NUP188: variants seen among roughly 807,000 people sequenced by gnomAD.
NUP188 encodes the protein nucleoporin NUP188.
Under a neutral mutation model 223.0 loss-of-function variants are expected in NUP188, and 97 were observed. The ratio of observed to expected loss-of-function variants is 0.43; its 90% CI spans 0.37 to 0.51. The LOEUF (loss-of-function observed/expected upper bound fraction) is 0.51, where lower values mean the gene tolerates loss of function less well. Ranked by LOEUF, NUP188 falls within the 20% of genes least tolerant of loss-of-function variation. The pLI, the probability that NUP188 is intolerant of heterozygous loss-of-function variation, is 0.00. For missense variants in NUP188, 1,947 were observed against 2,175.6 expected (o/e 0.89, Z 2.09); for synonymous variants, 869 against 828.0 (o/e 1.05, Z -0.85).
chr9:129,005,569 GGCTCTGCTCT>G (rs1842774742), intron 40 of NUP188, 39 bp downstream of exon 40: 1 of 1,611,328 alleles, frequency 6.2e-7, no homozygotes, highest in Admixed American at 1.7e-5. Flanking sequence ...CTCCCCTAAA[GGCTCTGCTCT>G]GCTGTGTACC....
chr9:128,984,983 C>G lies in NUP188; in HGVS notation c.2045C>G (p.Ala682Gly), dbSNP rs1041155966. ...QPQGEYGVTIAFLRLITTLVK... is the reference protein window; with the variant it reads ...QPQGEYGVTIGFLRLITTLVK... Reference sequence around the variant, plus strand: ...CAGGGCGAGTATGGGGTTACTATTGCCTTTCTGCGCTTGATCACCACCCTT... The same window carrying G: ...CAGGGCGAGTATGGGGTTACTATTGGCTTTCTGCGCTTGATCACCACCCTT... The change falls in exon 20 of 44, where the codon GCC becomes GGC. Residue 682 changes from alanine (A) to glycine (G), a missense_variant. Ala to Gly is a moderately conservative substitution (Grantham distance 60). This residue lies in a region of NUP188 where 817 missense variants were observed against 865.8 expected (regional missense o/e 0.94). Coordinates refer to ENST00000372577, the MANE Select transcript of NUP188 (RefSeq NM_015354.3). 6 of 1,613,432 alleles carry G rather than the reference C, an allele frequency of 3.7e-6. No homozygotes were observed. Among genetic ancestry groups the G allele is most frequent in the Non-Finnish European group, 5.1e-6 (6 of 1,179,708 alleles).
In NUP188 at chr9:128,982,546, CAG is replaced by C. The variant is rs752361618; in HGVS notation, c.1517-2_1517-1del. On this transcript the variant is annotated splice_acceptor_variant, in intron 15 of 43. Coordinates refer to ENST00000372577, the MANE Select transcript of NUP188 (RefSeq NM_015354.3). LOFTEE classifies it high-confidence loss of function. Reference sequence around the variant, plus strand: ...ATTAGACTAATTTATCTTTCTCTCTCAGGGGGTCAAACCAACCTTCGCATACC... The same window carrying C: ...ATTAGACTAATTTATCTTTCTCTCTCGGGGTCAAACCAACCTTCGCATACC... 2.0e-5 allele frequency: 32 copies of C among 1,607,788 alleles called. No homozygotes were observed. Among genetic ancestry groups the C allele is most frequent in the South Asian group, 4.5e-5 (4 of 89,476 alleles).
At chr9:128,949,366 C>A in intron 2 of NUP188, 123 bp downstream of exon 2, 1 of 678,990 alleles carries the variant, frequency 1.5e-6, no homozygotes, top group South Asian at 1.7e-5. Context: ...GAGTTTCGCT[C>A]TTGTTTCCCA....
chr9:128,962,248 CTTT>C (rs1227664142), intron 8 of NUP188, among the ~76,000 whole-genome samples: 5 of 132,176 alleles, frequency 3.8e-5, no homozygotes, highest in Admixed American at 7.6e-5. Context: ...ACACCATACT[CTTT>C]TTTTTTTTTT....
chr9:128,988,329 C>A, intron 24 of NUP188, 143 bp downstream of exon 24: 3 of 894,326 alleles, frequency 3.4e-6, no homozygotes, highest in Non-Finnish European at 5.2e-6. Flanking sequence ...ATTACCAGCT[C>A]CTTTCCTGAA....
chr9:128,992,518 T>A (rs1326345835), intron 25 of NUP188, among the ~76,000 whole-genome samples: 1 of 152,210 alleles, frequency 6.6e-6, no homozygotes. Flanking sequence ...TATGACTGGC[T>A]TCCTTTACTT....
Position 128,958,890 on chromosome 9 carries a change from A to G in NUP188, c.461A>G (p.Tyr154Cys), listed in dbSNP as rs778678767. The G allele has an allele frequency of 4.4e-6, 7 of 1,587,500 alleles. No homozygotes were observed. Among genetic ancestry groups the G allele is most frequent in the Non-Finnish European group, 6.0e-6 (7 of 1,161,334 alleles). Residue 154 changes from tyrosine (Y) to cysteine (C), a missense_variant, in exon 7 of 44, where the codon TAT becomes TGT. Tyr to Cys is a radical substitution (Grantham distance 194). Coordinates refer to ENST00000372577, the MANE Select transcript of NUP188 (RefSeq NM_015354.3). ...TACTTCCAAGATGAAAGACACCCCT[A>G]TAGGGTAAGCTTGTTTAGTCCTCTT... ...LTYFQDERHP[Y>C]RVEYADCVDK...
At chr9:128,950,764 G>C (rs1248641403) in intron 2 of NUP188, among the ~76,000 whole-genome samples, 3 of 152,106 alleles carry the variant, frequency 2.0e-5, no homozygotes, top group Admixed American at 6.6e-5. Flanking sequence ...AGGATTGCTT[G>C]ATCCTGGGAG....
chr9:128,996,907 T>C (rs1027815549), intron 30 of NUP188, among the ~76,000 whole-genome samples: 26 of 152,238 alleles, frequency 1.7e-4, no homozygotes, highest in African/African-American at 5.5e-4. Flanking sequence ...AGTGGAACGC[T>C]TCCAGGCATT....
rs758071772 is a variant in NUP188 at position 128,959,004 on chromosome 9, A to AT, written c.466-5dup. 2.0e-4 allele frequency: 306 copies of AT among 1,527,224 alleles called. No homozygotes were observed. Among genetic ancestry groups the AT allele is most frequent in the Non-Finnish European group, 2.7e-4 (300 of 1,127,468 alleles). The allele number at this position is 1,527,224 out of a possible 1,614,324, so 94.6% of individuals were successfully genotyped here. A position where few individuals can be genotyped will look rare whatever the true frequency, so the allele number is the denominator to read the frequency against. On this transcript the variant is annotated splice_polypyrimidine_tract_variant and intron_variant, in intron 7 of 43. Coordinates refer to ENST00000372577, the MANE Select transcript of NUP188 (RefSeq NM_015354.3). The stretch of plus-strand genomic sequence containing the variant: ...ATTCTAGGTATAATTTACTCTTTTG[A>AT]TTTTTTAAAGGTTGAATATGCAGAC...
At chr9:129,003,077 A>G in intron 37 of NUP188, 102 bp downstream of exon 37, 1 of 1,340,454 alleles carries the variant, frequency 7.5e-7, no homozygotes, top group Non-Finnish European at 1.0e-6. Flanking sequence ...TCAGTAGCGG[A>G]GGGTTGTCGA....
chr9:128,983,098 A>T (rs1842280290), intron 17 of NUP188, 70 bp downstream of exon 17: 1 of 1,590,480 alleles, frequency 6.3e-7, no homozygotes, highest in Admixed American at 1.7e-5. Context: ...AGTTTGCAGG[A>T]ACCTGGACAC....
At chr9:128,978,556 C>CAAAAAAAAA (rs57813508) in intron 12 of NUP188, among the ~76,000 whole-genome samples, 1 of 67,640 alleles carries the variant, frequency 1.5e-5, no homozygotes, top group African/African-American at 7.6e-5. Flanking sequence ...GAGTGAGACT[C>CAAAAAAAAA]AAAAAAAAAA....
chr9:128,957,942 C>A, intron 5 of NUP188, 68 bp from the exon 6 acceptor site: 3 of 1,130,608 alleles, frequency 2.7e-6, no homozygotes, highest in Non-Finnish European at 2.6e-6. Context: ...GTGAAGGTAT[C>A]TATCTTTTTT....
chr9:128,959,590 T>A (rs1841918285), intron 8 of NUP188, among the ~76,000 whole-genome samples: 2 of 147,032 alleles, frequency 1.4e-5, no homozygotes, highest in Non-Finnish European at 3.0e-5. Flanking sequence ...TGGAGTGCAA[T>A]GGCACAATCT....
chr9:128,984,532 C>T (rs550778186), intron 19 of NUP188, among the ~76,000 whole-genome samples: 7 of 152,132 alleles, frequency 4.6e-5, no homozygotes, highest in South Asian at 2.1e-4. Flanking sequence ...CTTGGTGTCC[C>T]GTTATTAAGC....
At chr9:129,006,157 G>A (rs533120982) in intron 42 of NUP188, 34 bp downstream of exon 42, 2 of 1,614,096 alleles carry the variant, frequency 1.2e-6, no homozygotes, top group Non-Finnish European at 1.7e-6. Flanking sequence ...ATAAGGGGCT[G>A]GGGCAGTCAT....
In NUP188 at chr9:128,999,736, C is replaced by T. The variant is rs1564566797; in HGVS notation, c.3774C>T (p.Ala1258=). Residue 1258 remains alanine, a synonymous_variant, in exon 34 of 44, where the codon GCC becomes GCT. Transcript: ENST00000372577. ...GCCACAGTCTGGCATTAGGCAGTGC[C>T]ACAGAGGACAAGGACAGCATGGAGA... is the stretch of plus-strand genomic sequence containing the variant. The part of the protein sequence containing the change: ...QTRHSLALGS[A]TEDKDSMETD... The T allele has an allele frequency of 6.2e-7, 1 of 1,614,224 alleles. No individual in the cohort carries two copies. Among genetic ancestry groups the T allele is most frequent in the Non-Finnish European group, 8.5e-7 (1 of 1,180,040 alleles).
intron 5 of NUP188, among the ~76,000 whole-genome samples, chr9:128,957,800 A>G (rs1367399332): frequency 6.6e-6 from 1 of 152,128 alleles, no homozygotes; most frequent in Admixed American, 6.6e-5. Context: ...CCAGCCCCTC[A>G]TTTTACATAA....
Sources: gnomAD v4.1 joint callset for allele counts (sites outside exome capture counted in the v4.1 genomes callset) on GRCh38, gnomAD v4.1.1 for gene constraint, gnomAD v4.1.1 regional missense constraint, MANE v1.5 for transcripts, NCBI Gene and HGNC (gene_info 2026-07-23, HGNC 2026-07-21) for gene names.